Variants in GLYATL1 observed in about 807,000 individuals in gnomAD.
GLYATL1 encodes the protein glycine N-acyltransferase-like protein 1.
GLYATL1 carries 15 observed loss-of-function variants against 20.0 expected under a neutral mutation model. The ratio of observed to expected loss-of-function variants is 0.75; its 90% CI spans 0.50 to 1.15. The LOEUF (loss-of-function observed/expected upper bound fraction) is 1.15, where lower values mean the gene tolerates loss of function less well. GLYATL1 is among the 50% of genes most tolerant of loss of function. The pLI is 0.00. For missense variants in GLYATL1, 380 were observed against 368.5 expected (o/e 1.03, Z -0.26); for synonymous variants, 151 against 131.5 (o/e 1.15, Z -1.01).
upstream of GLYATL1, among the ~76,000 whole-genome samples, chr11:58,924,061 A>T (rs1270929540): frequency 6.6e-6 from 1 of 151,942 alleles, no homozygotes; most frequent in Non-Finnish European, 1.5e-5. Context: ...AGACACTGAT[A>T]CTCTGTTTTG....
At chr11:58,941,694 GAAGAA>G (rs1335298871) in intron 1 of GLYATL1, among the ~76,000 whole-genome samples, 2 of 152,220 alleles carry the variant, frequency 1.3e-5, no homozygotes, top group African/African-American at 4.8e-5. Context: ...AATGCAGGCA[GAAGAA>G]AAAGAACAGC....
intron 1 of GLYATL1, chr11:58,905,686 G>A (rs1248443861): frequency 2.2e-6 from 1 of 452,638 alleles, no homozygotes; most frequent in Non-Finnish European, 4.4e-6. Flanking sequence ...GCTGTGGACC[G>A]AGTGGTTCGG....
In GLYATL1 at chr11:58,955,688, G is replaced by A; in HGVS notation, c.570G>A (p.Lys190=). The A allele has an allele frequency of 6.2e-7, 1 of 1,614,174 alleles. No homozygotes were observed. The highest frequency in any genetic ancestry group is 1.1e-5 in the South Asian group (1 of 91,072). ...TAAATGACAACTGGAAGCGAGGGAAGAATGAGAGGAGCCTGCATTACATCA... is the reference window on the plus strand; with the variant it reads ...TAAATGACAACTGGAAGCGAGGGAAAAATGAGAGGAGCCTGCATTACATCA... ...GLVNDNWKRG[K]NERSLHYIKR... is the part of the protein sequence containing the mutation. Residue 190 remains lysine, a synonymous_variant, in exon 7 of 7, where the codon AAG becomes AAA. Transcript: ENST00000532726.
In GLYATL1 at chr11:58,919,510, G is replaced by T. The variant is rs569106697; in HGVS notation, n.264+13849G>T. On this transcript the variant is annotated intron_variant and non_coding_transcript_variant, in intron 1 of 2. Transcript: ENST00000534674. Reference sequence around the variant, plus strand: ...ATGAACTATTTCAGCCACCAATGCTGGTTCATTGTCTGACCCCAGAGTCAG... The same window carrying T: ...ATGAACTATTTCAGCCACCAATGCTTGTTCATTGTCTGACCCCAGAGTCAG... 1.3e-4 allele frequency among the ~76,000 whole-genome samples: 20 copies of T among 152,246 alleles called. No homozygotes were observed. The South Asian group carries it at 4.1e-3, about 32-fold the overall frequency.
chr11:58,913,159 C>G (rs904715409), downstream of GLYATL1, among the ~76,000 whole-genome samples: 10 of 151,988 alleles, frequency 6.6e-5, no homozygotes, highest in Non-Finnish European at 2.9e-5. Context: ...CCAGAACACT[C>G]CACTCTCATA....
chr11:58,913,316 G>A (rs1855095577), downstream of GLYATL1, among the ~76,000 whole-genome samples: 1 of 152,252 alleles, frequency 6.6e-6, no homozygotes, highest in East Asian at 1.9e-4. Flanking sequence ...AGCAGATGGA[G>A]TGGATGAGAG....
chr11:58,907,235 C>G (rs1854917891), intron 1 of GLYATL1: 1 of 456,180 alleles, frequency 2.2e-6, no homozygotes, highest in Admixed American at 2.3e-5. Flanking sequence ...CTCTCTGCCT[C>G]TGCAGGTCAC....
At chr11:58,935,780 A>T (rs1180988310), upstream of GLYATL1, 6 of 152,082 alleles carry the variant, frequency 3.9e-5, no homozygotes, top group Admixed American at 3.9e-4. Context: ...TAATAATAAT[A>T]AATAGAGCTG....
intron 1 of GLYATL1, among the ~76,000 whole-genome samples, chr11:58,929,994 G>A (rs988557976): frequency 6.6e-6 from 1 of 152,174 alleles, no homozygotes; most frequent in Non-Finnish European, 1.5e-5. Flanking sequence ...TGTCTTGGAA[G>A]CCATTTTGAA....
chr11:58,930,641 A>G (rs1457726532), intron 1 of GLYATL1, among the ~76,000 whole-genome samples: 1 of 152,222 alleles, frequency 6.6e-6, no homozygotes, highest in African/African-American at 2.4e-5. Flanking sequence ...GCCTAGAAAA[A>G]TATTATTTAC....
At position 58,954,805 on chromosome 11, in the gene GLYATL1, A is replaced by T. The variant is rs767174826; in HGVS notation, c.222A>T (p.Val74=). The change falls in exon 5 of 7, where the codon GTA becomes GTT. Residue 74 remains valine, a synonymous_variant. Coordinates refer to ENST00000532726, the MANE Select transcript of GLYATL1 (RefSeq NM_001389712.2). Reference sequence around the variant, plus strand: ...ATGACATGGATTCATACACAAACGTATATCGTATGTTCTCCAAAGAGCCTC... The same window carrying T: ...ATGACATGGATTCATACACAAACGTTTATCGTATGTTCTCCAAAGAGCCTC... ...MTDDMDSYTN[V]YRMFSKEPQK... 6.2e-7 allele frequency: 1 copy of T among 1,609,630 alleles called. No individual in the cohort carries two copies. The highest frequency in any genetic ancestry group is 1.1e-5 in the South Asian group (1 of 90,436).
chr11:58,948,128 A>G (rs1469664068), intron 4 of GLYATL1, among the ~76,000 whole-genome samples, 163 bp downstream of exon 4: 1 of 152,054 alleles, frequency 6.6e-6, no homozygotes, highest in Non-Finnish European at 1.5e-5. Flanking sequence ...ACGTGTTCCC[A>G]CCCTTCGTGT....
chr11:58,948,217 G>GGCCCTATGA (rs1347361039), intron 4 of GLYATL1, among the ~76,000 whole-genome samples: 7 of 152,308 alleles, frequency 4.6e-5, no homozygotes, highest in Admixed American at 4.6e-4. Context: ...ACAGATTAAG[G>GGCCCTATGA]GCCCTATGAG....
At chr11:58,908,577 G>A (rs955647955) in exon 2 of GLYATL1, 9 of 183,046 alleles carry the variant, frequency 4.9e-5, no homozygotes, top group Admixed American at 1.5e-4. Context: ...ACTCCTCACT[G>A]GAGAGATAGT....
At chr11:58,928,968 C>G (rs71486430) in intron 1 of GLYATL1, among the ~76,000 whole-genome samples, 1 of 152,134 alleles carries the variant, frequency 6.6e-6, no homozygotes, top group Non-Finnish European at 1.5e-5. Flanking sequence ...AGTATTTACC[C>G]TATGACCTAA....
At chr11:58,914,828 C>T (rs1472454496) in intron 1 of GLYATL1, among the ~76,000 whole-genome samples, 1 of 152,158 alleles carries the variant, frequency 6.6e-6, no homozygotes, top group African/African-American at 2.4e-5. Flanking sequence ...CAAGTCCTGT[C>T]CCTACTCTGT....
chr11:58,919,607 T>C (rs551671204), intron 1 of GLYATL1, among the ~76,000 whole-genome samples: 1 of 152,234 alleles, frequency 6.6e-6, no homozygotes, highest in African/African-American at 2.4e-5. Context: ...TCTGTCTGGG[T>C]GGGGAAAGCC....
intron 1 of GLYATL1, among the ~76,000 whole-genome samples, chr11:58,919,768 T>C (rs1855264196): frequency 6.6e-6 from 1 of 152,092 alleles, no homozygotes; most frequent in Non-Finnish European, 1.5e-5. Flanking sequence ...CTGCTGAGGG[T>C]TGTTCTCGGC....
chr11:58,927,678 C>CT (rs34010465), upstream of GLYATL1: 49,089 of 152,112 alleles, frequency 0.32, 8,526 homozygotes, highest in Non-Finnish European at 0.39. Context: ...TTCTAATGCC[C>CT]TTTTTTAACC....
Sources: allele counts gnomAD v4.1 joint callset (sites outside exome capture counted in the v4.1 genomes callset), GRCh38; gene constraint gnomAD v4.1.1; transcripts MANE v1.5; gene names NCBI Gene and HGNC (gene_info 2026-07-23, HGNC 2026-07-21).